Variants in ZC3H14 observed in about 807,000 individuals in gnomAD.
ZC3H14 encodes zinc finger CCCH-type containing 14.
ZC3H14 carries 31 observed loss-of-function variants against 92.4 expected under a neutral mutation model. The observed-to-expected ratio is 0.34, with a 90% CI of 0.25 to 0.45. The LOEUF is 0.45. Ranked by LOEUF, ZC3H14 falls within the 20% of genes least tolerant of loss-of-function variation. ZC3H14 has a pLI of 1.00. For synonymous variants in ZC3H14, 321 were observed against 300.9 expected, an observed-to-expected ratio of 1.07 and a Z score of -0.69; for missense variants, 781 against 897.3, an observed-to-expected ratio of 0.87 and a Z score of 1.66.
Position 88,618,448 on chromosome 14 carries a change from T to C in ZC3H14, c.*6697T>C. The C allele has an allele frequency of 9.0e-7, 1 of 1,106,860 alleles. No homozygotes were observed. Among genetic ancestry groups the C allele is most frequent in the Non-Finnish European group, 1.3e-6 (1 of 765,154 alleles). The allele number at this position is 1,106,860 out of a possible 1,614,324, so 68.6% of individuals were successfully genotyped here. A position where few individuals can be genotyped will look rare whatever the true frequency, so the allele number is the denominator to read the frequency against. On this transcript the variant is annotated 3_prime_UTR_variant, in exon 17 of 17. Transcript: ENST00000251038. The stretch of plus-strand genomic sequence containing the variant: ...GATTTACATGTCTAACATTATTAAG[T>C]ATGCAAAAGATCACTACAAAAACTT...
Position 88,618,535 on chromosome 14 carries a change from A to T in ZC3H14, c.*6784A>T. ...GGGAGCTGTAGGTCAGAAGGTACAA[A>T]GGGAGGAGTTGAGAAGCTGGAGCTC... On this transcript the variant is annotated 3_prime_UTR_variant, in exon 17 of 17. Coordinates refer to ENST00000251038, the MANE Select transcript of ZC3H14 (RefSeq NM_024824.5). The T allele has an allele frequency of 7.9e-7, 1 of 1,273,878 alleles. No homozygotes were observed. The highest frequency in any genetic ancestry group is 1.6e-5 in the South Asian group (1 of 64,454). 78.9% of individuals were successfully genotyped at this position (1,273,878 alleles called of 1,614,324 possible).
At chr14:88,604,721 AG>A (rs2140089232) in intron 12 of ZC3H14, among the ~76,000 whole-genome samples, 1 of 151,868 alleles carries the variant, frequency 6.6e-6, no homozygotes, top group South Asian at 2.1e-4. Flanking sequence ...CAGTCTCCCA[AG>A]TAGCTGGGAT....
At chr14:88,564,740 G>A (rs11629164) in intron 2 of ZC3H14, among the ~76,000 whole-genome samples, 85,744 of 151,988 alleles carry the variant, frequency 0.56, 26,709 homozygotes, top group Middle Eastern at 0.74. Flanking sequence ...AAATGTCATT[G>A]ATGAAGATGT....
At chr14:88,584,503 TGAGA>T (rs1268518814) in intron 9 of ZC3H14, among the ~76,000 whole-genome samples, 2 of 152,204 alleles carry the variant, frequency 1.3e-5, no homozygotes, top group East Asian at 3.8e-4. Flanking sequence ...CGCTTGTAGT[TGAGA>T]GAAATGTAAG....
intron 5 of ZC3H14, 133 bp from the exon 6 acceptor site, chr14:88,572,445 C>G (rs1332103146): frequency 8.2e-7 from 1 of 1,213,828 alleles, no homozygotes; most frequent in Non-Finnish European, 1.2e-6. Flanking sequence ...AATTTCAAAG[C>G]AGTTTTGAAT....
chr14:88,599,521 T>G (rs1331105945), intron 10 of ZC3H14, among the ~76,000 whole-genome samples: 1 of 152,182 alleles, frequency 6.6e-6, no homozygotes, highest in African/African-American at 2.4e-5. Context: ...AACGTTCCGC[T>G]TGCAGAGAGG....
chr14:88,583,271 C>T (rs1357213124), intron 9 of ZC3H14, among the ~76,000 whole-genome samples: 1 of 151,806 alleles, frequency 6.6e-6, no homozygotes, highest in Non-Finnish European at 1.5e-5. Context: ...CACACGCCAC[C>T]ACGCCCAGCT....
Position 88,627,078 on chromosome 14 carries a change from T to C in ZC3H14, c.*15327T>C. Reference sequence around the variant, plus strand: ...AGATACAACAAAATTATCTAGGTTATTACAAGAACCAAGCTAATCAACAGC... The same window carrying C: ...AGATACAACAAAATTATCTAGGTTACTACAAGAACCAAGCTAATCAACAGC... On this transcript the variant is annotated 3_prime_UTR_variant, in exon 17 of 17. Transcript: ENST00000251038. The C allele has an allele frequency of 6.2e-7, 1 of 1,603,046 alleles. No homozygotes were observed. Among genetic ancestry groups the C allele is most frequent in the Non-Finnish European group, 8.5e-7 (1 of 1,171,552 alleles).
chr14:88,616,304 T>A lies in ZC3H14; in HGVS notation c.*4553T>A. On this transcript the variant is annotated 3_prime_UTR_variant, in exon 17 of 17. Coordinates refer to ENST00000251038, the MANE Select transcript of ZC3H14 (RefSeq NM_024824.5). ...TGCACACAGAAGTCAAAGGCTCTTA[T>A]TAGGAACTATAATCTCTATGACAAG... is the stretch of plus-strand genomic sequence containing the variant. The A allele has an allele frequency of 6.8e-7, 1 of 1,460,704 alleles. No individual in the cohort carries two copies. Among genetic ancestry groups the A allele is most frequent in the Non-Finnish European group, 9.6e-7 (1 of 1,041,694 alleles). The allele number at this position is 1,460,704 out of a possible 1,614,324, so 90.5% of individuals were successfully genotyped here.
At chr14:88,594,009 T>C (rs957231558) in intron 9 of ZC3H14, among the ~76,000 whole-genome samples, 3 of 152,192 alleles carry the variant, frequency 2.0e-5, no homozygotes, top group African/African-American at 7.2e-5. Context: ...GTTTACACGA[T>C]ACTATATTAG....
At chr14:88,609,447 A>ACAAAAC (rs777183110) in intron 14 of ZC3H14, 44 bp downstream of exon 14, 17 of 1,613,340 alleles carry the variant, frequency 1.1e-5, no homozygotes. Flanking sequence ...AAAAATATAA[A>ACAAAAC]ATGGCATTTT....
intron 4 of ZC3H14, 135 bp downstream of exon 4, chr14:88,571,259 C>T (rs1048796974): frequency 6.1e-6 from 4 of 652,404 alleles, no homozygotes; most frequent in Non-Finnish European, 9.9e-6. Flanking sequence ...AAAGCACATA[C>T]TTTTATGAAC....
chr14:88,578,781 GTTTTTTTTTTTT>G (rs35101368), intron 9 of ZC3H14, among the ~76,000 whole-genome samples: 1 of 76,816 alleles, frequency 1.3e-5, no homozygotes, highest in Non-Finnish European at 2.4e-5. Context: ...TTGCTTCCAG[GTTTTTTTTTTTT>G]TTTTTTTTTT....
chr14:88,623,993 T>C lies in ZC3H14; in HGVS notation c.*12242T>C, dbSNP rs1371185496. On this transcript the variant is annotated 3_prime_UTR_variant, in exon 17 of 17. Transcript: ENST00000251038. ...TATGTAAAAGGCACAAATTCTGCGC[T>C]TGTGTTTAATTAACATATGTGGGTT... is the stretch of plus-strand genomic sequence containing the variant. The C allele has an allele frequency of 6.6e-6, 1 of 152,246 alleles. No individual in the cohort carries two copies. Among genetic ancestry groups the C allele is most frequent in the African/African-American group, 2.4e-5 (1 of 41,468 alleles). 9.4% of individuals were successfully genotyped at this position (152,246 alleles called of 1,614,324 possible).
At chr14:88,604,331 G>A (rs1274049290) in intron 12 of ZC3H14, among the ~76,000 whole-genome samples, 2 of 152,124 alleles carry the variant, frequency 1.3e-5, no homozygotes, top group African/African-American at 4.8e-5. Flanking sequence ...TTTGACTGGG[G>A]ACTCAGTGTT....
chr14:88,571,165 G>A (rs1283834173), intron 4 of ZC3H14, 41 bp downstream of exon 4: 2 of 1,510,148 alleles, frequency 1.3e-6, no homozygotes, highest in African/African-American at 1.4e-5. Flanking sequence ...TGCTTGCTAT[G>A]GCATATGATT....
rs2087577861 is a variant in ZC3H14, at chr14:88,616,156, T to A, written c.*4405T>A. On this transcript the variant is annotated 3_prime_UTR_variant, in exon 17 of 17. Coordinates refer to ENST00000251038, the MANE Select transcript of ZC3H14 (RefSeq NM_024824.5). The stretch of plus-strand genomic sequence containing the variant: ...AAGTTACTAACCTGCAGTCATCACC[T>A]CCAGCACTAACAACATGTCGATCAC... 1.2e-6 allele frequency: 2 copies of A among 1,613,868 alleles called. No homozygotes were observed. The highest frequency in any genetic ancestry group is 1.7e-6 in the Non-Finnish European group (2 of 1,179,784).
intron 9 of ZC3H14, among the ~76,000 whole-genome samples, chr14:88,585,616 C>A (rs1197451691): frequency 6.6e-6 from 1 of 151,956 alleles, no homozygotes; most frequent in Non-Finnish European, 1.5e-5. Flanking sequence ...ATCTCTGATC[C>A]CCTGACCTTG....
intron 9 of ZC3H14, among the ~76,000 whole-genome samples, chr14:88,586,143 G>C (rs2082450137): frequency 6.6e-6 from 1 of 152,200 alleles, no homozygotes; most frequent in African/African-American, 2.4e-5. Context: ...ACTCCAGCCT[G>C]AGCGACAAAG....
Sources: allele counts gnomAD v4.1 joint callset (sites outside exome capture counted in the v4.1 genomes callset), GRCh38; gene constraint gnomAD v4.1.1; transcripts MANE v1.5; gene names NCBI Gene and HGNC (gene_info 2026-07-23, HGNC 2026-07-21).